RYR3: variants seen among roughly 807,000 people sequenced by gnomAD.
RYR3 encodes the protein ryanodine receptor 3.
In RYR3, 207 loss-of-function variants were observed where a neutral mutation model predicts 584.3. The observed-to-expected ratio is 0.35, with a 90% CI of 0.32 to 0.40. RYR3 has a LOEUF of 0.40. Among genes scored for constraint, RYR3 ranks in the 10% least tolerant of loss-of-function variants. The probability of loss-of-function intolerance (pLI) is 1.00; values close to 1 mark genes in which losing one functional copy is unlikely to be tolerated. For synonymous variants in RYR3, 2,416 were observed against 2,248.5 expected (o/e 1.07, Z -2.11); for missense variants, 5,616 against 6,089.2 (o/e 0.92, Z 2.59).
intron 1 of RYR3, among the ~76,000 whole-genome samples, chr15:33,425,653 T>G (rs1010009960): frequency 1.5e-5 from 2 of 133,600 alleles, no homozygotes; most frequent in Non-Finnish European, 3.3e-5. Context: ...TTTTTTTTTT[T>G]TTTTTTGAGA....
intron 19 of RYR3, among the ~76,000 whole-genome samples, chr15:33,621,983 C>T (rs1173785224): frequency 6.6e-6 from 1 of 152,168 alleles, no homozygotes. Flanking sequence ...CCCCTCCACA[C>T]ATACACTCAG....
intron 1 of RYR3, among the ~76,000 whole-genome samples, chr15:33,451,747 G>A (rs1322784529): frequency 6.6e-6 from 1 of 152,190 alleles, no homozygotes; most frequent in East Asian, 1.9e-4. Context: ...CTGAAAATTT[G>A]AGTTATTAAT....
Position 33,683,915 on chromosome 15 carries a change from G to A in RYR3, c.5861-12303G>A, listed in dbSNP as rs142792433. ...GCAGTCTGAGATCGAATTGCAAGGC[G>A]GCAGCCTGGCAGGAAGAGGGGCGTC... On this transcript the variant is annotated intron_variant, in intron 38 of 103. Coordinates refer to ENST00000634891, the MANE Select transcript of RYR3 (RefSeq NM_001036.6). 8.4e-3 allele frequency among the ~76,000 whole-genome samples: 1,282 copies of A among 152,350 alleles called. 19 individuals are homozygous for A. Among genetic ancestry groups the A allele is most frequent in the African/African-American group, 0.029 (1,206 of 41,580 alleles).
In RYR3 at chr15:33,793,282, G is replaced by C. The variant is rs549030730; in HGVS notation, c.9830+4824G>C. Among the ~76,000 whole-genome samples, 7 of 152,216 alleles carry C rather than the reference G, an allele frequency of 4.6e-5. No individual in the cohort carries two copies. The South Asian group carries it at 1.5e-3, about 32-fold the overall frequency. The stretch of plus-strand genomic sequence containing the variant: ...CATCAATGTGTTTACCAACCTGTAG[G>C]CTCCCTGCATCTCATACGAGCTTTT... On this transcript the variant is annotated intron_variant, in intron 67 of 103. Transcript: ENST00000634891.
At position 33,835,040 on chromosome 15, in the gene RYR3, G is replaced by A. The variant is rs187632363; in HGVS notation, c.11536G>A (p.Val3846Ile). The change falls in exon 87 of 104, where the codon GTC (valine) becomes ATC (isoleucine). Residue 3846 changes from valine (V) to isoleucine (I), a missense_variant. By Grantham distance (29) the Val-to-Ile change is conservative (BLOSUM62 3). Transcript: ENST00000634891. ...GGACGCAGTGGTTGGCTTCCTCCAT[G>A]TCTTTGCTAATATGCAGATGAAACT... ...LWDAVVGFLH[V>I]FANMQMKLSQ... 164 of 1,613,914 alleles carry A rather than the reference G, an allele frequency of 1.0e-4. No individual in the cohort carries two copies. The African/African-American group carries it at 2.1e-3, about 20-fold the overall frequency.
intron 5 of RYR3, among the ~76,000 whole-genome samples, chr15:33,535,903 CAG>C (rs1218896068): frequency 6.6e-6 from 1 of 152,180 alleles, no homozygotes; most frequent in Non-Finnish European, 1.5e-5. Flanking sequence ...TGGCGGAAGA[CAG>C]GGAGAGAAGG....
intron 49 of RYR3, among the ~76,000 whole-genome samples, chr15:33,736,923 G>A (rs377702115): frequency 6.6e-6 from 1 of 151,796 alleles, no homozygotes; most frequent in Admixed American, 6.6e-5. Context: ...TAATTTTTGT[G>A]TGTTTGTTTG....
chr15:33,502,710 T>A (rs1450441776), intron 2 of RYR3, among the ~76,000 whole-genome samples: 2 of 152,226 alleles, frequency 1.3e-5, no homozygotes, highest in African/African-American at 4.8e-5. Flanking sequence ...ATATTTTTCT[T>A]AGTGGCAGGA....
chr15:33,524,245 G>T (rs1162679431), intron 3 of RYR3, among the ~76,000 whole-genome samples: 1 of 152,198 alleles, frequency 6.6e-6, no homozygotes. Context: ...ATTTTCATAG[G>T]TTTCCTTATT....
At chr15:33,519,619 TATGTTG>T (rs1359527625) in intron 3 of RYR3, among the ~76,000 whole-genome samples, 1 of 139,266 alleles carries the variant, frequency 7.2e-6, no homozygotes, top group Non-Finnish European at 1.6e-5. Flanking sequence ...ACCCAGCTTT[TATGTTG>T]TTTTTTTTTT....
chr15:33,859,216 A>C (rs1163032354), intron 99 of RYR3: 2 of 198,102 alleles, frequency 1.0e-5, no homozygotes, highest in Non-Finnish European at 2.0e-5. Context: ...TGCAGTTTAT[A>C]GCACAGCCTG....
At chr15:33,621,976 C>A (rs188071106) in intron 19 of RYR3, among the ~76,000 whole-genome samples, 1 of 152,140 alleles carries the variant, frequency 6.6e-6, no homozygotes, top group Admixed American at 6.5e-5. Flanking sequence ...CCTCATCCCC[C>A]TCCACACATA....
At chr15:33,509,320 C>A (rs552736242) in intron 3 of RYR3, among the ~76,000 whole-genome samples, 1 of 152,162 alleles carries the variant, frequency 6.6e-6, no homozygotes, top group South Asian at 2.1e-4. Flanking sequence ...TTCTTTCTTC[C>A]TGGGTTCCTG....
At chr15:33,448,631 G>C (rs1203451444) in intron 1 of RYR3, among the ~76,000 whole-genome samples, 1 of 152,236 alleles carries the variant, frequency 6.6e-6, no homozygotes, top group Non-Finnish European at 1.5e-5. Context: ...AGGGCCTTTT[G>C]CTGCTAGACC....
intron 71 of RYR3, 94 bp from the exon 72 acceptor site, chr15:33,810,884 T>C (rs2152944911): frequency 1.7e-6 from 2 of 1,183,828 alleles, no homozygotes; most frequent in South Asian, 2.6e-5. Context: ...AAGATCCCAG[T>C]GAAACTGTGC....
chr15:33,731,835 T>C (rs928384952), intron 48 of RYR3, 141 bp downstream of exon 48: 7 of 660,452 alleles, frequency 1.1e-5, no homozygotes, highest in Non-Finnish European at 1.9e-5. Context: ...AGACATCTCA[T>C]AGGATGTGCT....
intron 3 of RYR3, among the ~76,000 whole-genome samples, chr15:33,525,050 G>A (rs963387200): frequency 4.6e-5 from 7 of 152,136 alleles, no homozygotes; most frequent in East Asian, 3.8e-4. Flanking sequence ...AGACTCTTCC[G>A]TTGCATGCTA....
rs751358564 is a variant in RYR3, at chr15:33,813,607, T to C, written c.10502+28T>C. On this transcript the variant is annotated intron_variant, in intron 74 of 103. Coordinates refer to ENST00000634891, the MANE Select transcript of RYR3 (RefSeq NM_001036.6). ...AAGTATTTTGTCTTTTTTCCTGGCA[T>C]GTAAGCCAGCGATGGGAATGGAGGT... 46 of 1,561,588 alleles carry C rather than the reference T, an allele frequency of 2.9e-5. No homozygotes were observed. In the East Asian group the frequency reaches 9.4e-4, roughly 32 times the overall value.
At chr15:33,329,181 A>G (rs958426739) in intron 1 of RYR3, among the ~76,000 whole-genome samples, 1 of 152,128 alleles carries the variant, frequency 6.6e-6, no homozygotes, top group Non-Finnish European at 1.5e-5. Flanking sequence ...TTTCTGGAGG[A>G]TGCCTCAGGC....
Sources: gnomAD v4.1 joint callset for allele counts (sites outside exome capture counted in the v4.1 genomes callset) on GRCh38, gnomAD v4.1.1 for gene constraint, MANE v1.5 for transcripts, NCBI Gene and HGNC (gene_info 2026-07-23, HGNC 2026-07-21) for gene names.